PEDS1: variants seen among roughly 807,000 people sequenced by gnomAD.
PEDS1 encodes the protein plasmanylethanolamine desaturase 1, also known as CarF homolog.
In PEDS1, 14 loss-of-function variants were observed where a neutral mutation model predicts 35.2. That is an observed-to-expected ratio of 0.40 (90% CI 0.26 to 0.62). The LOEUF is 0.62. PEDS1 is among the 20% of genes least tolerant of loss of function. The probability of loss-of-function intolerance (pLI) is 0.44; values close to 1 mark genes in which losing one functional copy is unlikely to be tolerated. For missense variants in PEDS1, 260 were observed against 367.8 expected (o/e 0.71, Z 2.40); for synonymous variants, 152 against 152.0 (o/e 1.00, Z 0.00).
chr20:50,151,838 AAC>A (rs2081407772), intron 1 of PEDS1, among the ~76,000 whole-genome samples: 1 of 152,150 alleles, frequency 6.6e-6, no homozygotes, highest in Non-Finnish European at 1.5e-5. Flanking sequence ...CAGCCTGGGC[AAC>A]AGAGTGAGAC....
Position 50,128,261 on chromosome 20 carries a change from C to G in PEDS1, c.479-74G>C. 2.6e-6 allele frequency: 4 copies of G among 1,567,000 alleles called. No homozygotes were observed. Among genetic ancestry groups the G allele is most frequent in the Non-Finnish European group, 3.5e-6 (4 of 1,153,154 alleles). ...GGAACCCACCCCAAATGGCCCTCAC[C>G]ACCTGCTCCTGGGCGGCTCCTGAGC... On this transcript the variant is annotated intron_variant, in intron 4 of 5. Transcript: ENST00000371652. The surrounding 1 kb of genome is among the most constrained non-coding windows in gnomAD (Gnocchi z 5.2).
rs2081041330 is a variant in PEDS1 at position 50,120,444 on chromosome 20, G to A, written c.*4614C>T. Reference sequence around the variant, plus strand: ...TGATTCTTATTCTTTACCTATGCAAGCATTACCTATTGCTTATATAGCAAT... The same window carrying A: ...TGATTCTTATTCTTTACCTATGCAAACATTACCTATTGCTTATATAGCAAT... On this transcript the variant is annotated 3_prime_UTR_variant, in exon 6 of 6. Coordinates refer to ENST00000371652, the MANE Select transcript of PEDS1 (RefSeq NM_199129.4). 1 of 152,258 alleles carries A rather than the reference G, an allele frequency of 6.6e-6. No individual in the cohort carries two copies. Among genetic ancestry groups the A allele is most frequent in the Admixed American group, 6.5e-5 (1 of 15,298 alleles). The allele number at this position is 152,258 out of a possible 1,614,324, so 9.4% of individuals were successfully genotyped here. A position where few individuals can be genotyped will look rare whatever the true frequency, so the allele number is the denominator to read the frequency against.
At chr20:50,131,977 G>A (rs781039670) in intron 2 of PEDS1, among the ~76,000 whole-genome samples, 2 of 152,162 alleles carry the variant, frequency 1.3e-5, no homozygotes, top group Non-Finnish European at 2.9e-5. Context: ...GCCGAGGTGG[G>A]CGGATCACCT....
chr20:50,127,841 T>C, intron 5 of PEDS1, 134 bp downstream of exon 5: 1 of 1,274,408 alleles, frequency 7.8e-7, no homozygotes, highest in South Asian at 1.4e-5. Flanking sequence ...GCTCAATAAA[T>C]GCATGACCTG....
At chr20:50,125,218 A>C in intron 5 of PEDS1, 39 bp from the exon 6 acceptor site, 1 of 1,609,162 alleles carries the variant, frequency 6.2e-7, no homozygotes, top group East Asian at 2.2e-5. Flanking sequence ...AATGGGAGAG[A>C]GTAGTCAAGG....
intron 1 of PEDS1, among the ~76,000 whole-genome samples, chr20:50,151,940 C>T (rs777230005): frequency 3.3e-5 from 5 of 152,106 alleles, no homozygotes; most frequent in Admixed American, 1.3e-4. Context: ...TGCCAGTGGA[C>T]GATCTCATTT....
At chr20:50,151,224 A>G in intron 1 of PEDS1, 1 of 1,303,872 alleles carries the variant, frequency 7.7e-7, no homozygotes, top group African/African-American at 1.5e-5. Context: ...CCAGGTCTGG[A>G]GGAGATAAAG....
intron 1 of PEDS1, among the ~76,000 whole-genome samples, chr20:50,143,859 G>C: frequency 6.6e-6 from 1 of 151,924 alleles, no homozygotes; most frequent in African/African-American, 2.4e-5. Context: ...CACCATGCCC[G>C]GCTAATTTTT....
At position 50,145,849 on chromosome 20, in the gene PEDS1, T is replaced by C. The variant is rs1053928251; in HGVS notation, c.122-2228A>G. 4.6e-5 allele frequency among the ~76,000 whole-genome samples: 7 copies of C among 152,196 alleles called. No homozygotes were observed. The East Asian group carries it at 9.6e-4, about 21-fold the overall frequency. On this transcript the variant is annotated intron_variant, in intron 1 of 5. Coordinates refer to ENST00000371652, the MANE Select transcript of PEDS1 (RefSeq NM_199129.4). ...TAAAATATACTGAGCAGTTACTACA[T>C]ATCAGGCGCCTGCTGAAGTGATGTC...
At chr20:50,149,801 T>C (rs904340553) in intron 1 of PEDS1, among the ~76,000 whole-genome samples, 1 of 152,160 alleles carries the variant, frequency 6.6e-6, no homozygotes, top group African/African-American at 2.4e-5. Flanking sequence ...CCTGGCTGGC[T>C]GACTTCCATA....
intron 2 of PEDS1, among the ~76,000 whole-genome samples, chr20:50,137,630 T>C (rs2081250305): frequency 6.6e-6 from 1 of 152,116 alleles, no homozygotes; most frequent in African/African-American, 2.4e-5. Flanking sequence ...CCCAGCACTT[T>C]AGAAGGCCGA....
At chr20:50,143,211 C>T (rs769686039) in intron 2 of PEDS1, among the ~76,000 whole-genome samples, 1 of 152,116 alleles carries the variant, frequency 6.6e-6, no homozygotes, top group Non-Finnish European at 1.5e-5. Flanking sequence ...GGTACAGAGC[C>T]ATGGCTGTAC....
Position 50,120,629 on chromosome 20 carries a change from G to A in PEDS1, c.*4429C>T, listed in dbSNP as rs1043620777. On this transcript the variant is annotated 3_prime_UTR_variant, in exon 6 of 6. Transcript: ENST00000371652. Reference sequence around the variant, plus strand: ...GTGGGCCGATCGCTTGAGCTCAGGCGTTCGAGACCAGCCTGGGCAACATGG... The same window carrying A: ...GTGGGCCGATCGCTTGAGCTCAGGCATTCGAGACCAGCCTGGGCAACATGG... 3 of 151,992 alleles carry A rather than the reference G, an allele frequency of 2.0e-5. No homozygotes were observed. Among genetic ancestry groups the A allele is most frequent in the Admixed American group, 6.6e-5 (1 of 15,238 alleles). The allele number at this position is 151,992 out of a possible 1,614,324, so 9.4% of individuals were successfully genotyped here.
chr20:50,136,812 G>A (rs559671821), intron 2 of PEDS1, among the ~76,000 whole-genome samples: 3 of 151,968 alleles, frequency 2.0e-5, no homozygotes, highest in South Asian at 4.2e-4. Flanking sequence ...CACGGTGGGA[G>A]GATTGCTTGA....
In PEDS1 at chr20:50,153,575, A is replaced by G; in HGVS notation, c.63T>C (p.Cys21=). The part of the protein sequence containing the change: ...QLELDEDEAS[C]CRWGAQHAGA... ...CGGCGTGCTGCGCGCCCCAGCGGCA[A>G]CAAGACGCCTCGTCCTCGTCCAGCT... Residue 21 remains cysteine, a synonymous_variant, in exon 1 of 6, where the codon TGT becomes TGC. Coordinates refer to ENST00000371652, the MANE Select transcript of PEDS1 (RefSeq NM_199129.4). 7.0e-7 allele frequency: 1 copy of G among 1,434,904 alleles called. No homozygotes were observed. The highest frequency in any genetic ancestry group is 1.5e-5 in the African/African-American group (1 of 68,366). The allele number at this position is 1,434,904 out of a possible 1,614,324, so 88.9% of individuals were successfully genotyped here.
Position 50,129,548 on chromosome 20 carries a change from G to A in PEDS1, c.476C>T (p.Pro159Leu), listed in dbSNP as rs376643412. ...CCACCACTAGCTGGGTGTCTCACCAGGGCTGTGGGTGCGGAACTTGTAGGC... is the reference window on the plus strand; with the variant it reads ...CCACCACTAGCTGGGTGTCTCACCAAGGCTGTGGGTGCGGAACTTGTAGGC... The part of the protein sequence containing the change: ...NMAYKFRTHS[P>L]EALEQLYPWE... The change falls in exon 4 of 6, where the codon CCT (proline) becomes CTT (leucine). Residue 159 changes from proline (P) to leucine (L), a missense_variant and splice_region_variant. By Grantham distance (98) the Pro-to-Leu change is moderately conservative. This residue lies in a region of PEDS1 where 29 missense variants were observed against 21.5 expected (regional missense o/e 1.35). Coordinates refer to ENST00000371652, the MANE Select transcript of PEDS1 (RefSeq NM_199129.4). The surrounding 1 kb of genome is among the most constrained non-coding windows in gnomAD (Gnocchi z 4.2). 4.5e-5 allele frequency: 73 copies of A among 1,614,000 alleles called. No individual in the cohort carries two copies. The Admixed American group carries it at 5.8e-4, about 13-fold the overall frequency.
intron 3 of PEDS1, among the ~76,000 whole-genome samples, chr20:50,130,042 C>A (rs572938266): frequency 6.6e-6 from 1 of 152,296 alleles, no homozygotes; most frequent in East Asian, 1.9e-4. Flanking sequence ...ACCCTCTGGA[C>A]CCCCTGCACC....
chr20:50,132,094 C>T (rs369819016), intron 2 of PEDS1, among the ~76,000 whole-genome samples: 126 of 152,224 alleles, frequency 8.3e-4, no homozygotes, highest in African/African-American at 2.8e-3. Flanking sequence ...ATCCCAGCTA[C>T]TCAGGAGGCT....
chr20:50,122,884 G>A lies in PEDS1; in HGVS notation c.*2174C>T, dbSNP rs940211022. On this transcript the variant is annotated 3_prime_UTR_variant, in exon 6 of 6. Coordinates refer to ENST00000371652, the MANE Select transcript of PEDS1 (RefSeq NM_199129.4). Reference sequence around the variant, plus strand: ...TGGAAGGCCAAGGCGGATCACTTGAGGCCAGGAGTTCAAGACCAACCTGGA... The same window carrying A: ...TGGAAGGCCAAGGCGGATCACTTGAAGCCAGGAGTTCAAGACCAACCTGGA... 2.0e-5 allele frequency: 3 copies of A among 151,766 alleles called. No individual in the cohort carries two copies. Among genetic ancestry groups the A allele is most frequent in the Admixed American group, 2.0e-4 (3 of 15,226 alleles). 9.4% of individuals were successfully genotyped at this position (151,766 alleles called of 1,614,324 possible).
Sources: allele counts gnomAD v4.1 joint callset (sites outside exome capture counted in the v4.1 genomes callset), GRCh38; gene constraint gnomAD v4.1.1; regional missense constraint gnomAD v4.1.1; non-coding constraint Gnocchi (gnomAD v3.1); transcripts MANE v1.5; gene names NCBI Gene and HGNC (gene_info 2026-07-23, HGNC 2026-07-21).